Variants in PEPD observed in about 807,000 individuals in gnomAD.
PEPD encodes the protein xaa-Pro dipeptidase.
In PEPD, 53 loss-of-function variants were observed where a neutral mutation model predicts 60.7. The observed-to-expected ratio is 0.87, with a 90% CI of 0.70 to 1.10. The LOEUF (loss-of-function observed/expected upper bound fraction) is 1.10, where lower values mean the gene tolerates loss of function less well. Ranked by LOEUF, PEPD falls within the 50% of genes least tolerant of loss-of-function variation. The pLI is 0.00. For missense variants in PEPD, 711 were observed against 711.9 expected, an observed-to-expected ratio of 1.00 and a Z score of 0.01; for synonymous variants, 267 against 284.1, an observed-to-expected ratio of 0.94 and a Z score of 0.60.
chr19:33,447,835 T>C (rs1292644135), intron 9 of PEPD, among the ~76,000 whole-genome samples: 1 of 152,140 alleles, frequency 6.6e-6, no homozygotes, highest in Non-Finnish European at 1.5e-5. Context: ...CCATCCTCCA[T>C]GCCACAGACA....
chr19:33,468,106 G>A (rs764424937), intron 7 of PEPD, among the ~76,000 whole-genome samples: 27 of 152,156 alleles, frequency 1.8e-4, no homozygotes, highest in South Asian at 4.2e-4. Context: ...CTGGCCACCC[G>A]GTGAGGGAGG....
chr19:33,388,097 GTGAGGGGCCTGA>G lies in PEPD; in HGVS notation c.1153-28_1153-17del. On this transcript the variant is annotated splice_polypyrimidine_tract_variant and intron_variant, in intron 13 of 14. Transcript: ENST00000244137. ...GCTCCACGCCCTGTGGGGAACAGAGGTGAGGGGCCTGATGAGCAGCTCCAGGGCTCACCGTGG... is the reference window on the plus strand; with the variant it reads ...GCTCCACGCCCTGTGGGGAACAGAGGTGAGCAGCTCCAGGGCTCACCGTGG... 6.5e-7 allele frequency: 1 copy of G among 1,543,800 alleles called. No individual in the cohort carries two copies. Among genetic ancestry groups the G allele is most frequent in the Non-Finnish European group, 8.7e-7 (1 of 1,146,154 alleles).
At chr19:33,466,037 G>C (rs745863427) in intron 7 of PEPD, among the ~76,000 whole-genome samples, 9 of 152,174 alleles carry the variant, frequency 5.9e-5, no homozygotes, top group Non-Finnish European at 1.2e-4. Context: ...CAATCCAAAA[G>C]TATAATTAGA....
intron 2 of PEPD, chr19:33,511,581 C>T: frequency 3.4e-6 from 1 of 297,958 alleles, no homozygotes; most frequent in South Asian, 3.3e-5. Context: ...TTCTTACTTC[C>T]CTCTCCCACC....
chr19:33,477,415 C>T (rs1395856349), intron 7 of PEPD: 1 of 163,176 alleles, frequency 6.1e-6, no homozygotes, highest in African/African-American at 2.4e-5. Context: ...CTTCTACATT[C>T]TCAGTACGTG....
intron 1 of PEPD, among the ~76,000 whole-genome samples, chr19:33,517,288 G>T (rs1050331692): frequency 6.6e-6 from 1 of 151,852 alleles, no homozygotes; most frequent in Non-Finnish European, 1.5e-5. Context: ...AGCCAGGTGT[G>T]GTGGCTCATG....
intron 6 of PEPD, among the ~76,000 whole-genome samples, chr19:33,487,955 G>A (rs950750434): frequency 1.8e-4 from 27 of 152,016 alleles, no homozygotes; most frequent in African/African-American, 6.5e-4. Flanking sequence ...GAAGCCCAGG[G>A]CCCCACCTGC....
intron 9 of PEPD, among the ~76,000 whole-genome samples, chr19:33,455,901 A>G (rs573193984): frequency 6.6e-6 from 1 of 152,288 alleles, no homozygotes; most frequent in Admixed American, 6.5e-5. Flanking sequence ...GATTTCTAAT[A>G]TGATTCTCCA....
At chr19:33,443,983 C>A (rs1481399472) in intron 9 of PEPD, among the ~76,000 whole-genome samples, 1 of 150,442 alleles carries the variant, frequency 6.6e-6, no homozygotes, top group South Asian at 2.1e-4. Context: ...TGCGCGCGCA[C>A]ACACACACAC....
chr19:33,499,898 C>A (rs940335744), intron 4 of PEPD, among the ~76,000 whole-genome samples: 5 of 152,224 alleles, frequency 3.3e-5, no homozygotes, highest in Non-Finnish European at 5.9e-5. Flanking sequence ...TCTCTCACAG[C>A]ACTGTGTCTG....
At chr19:33,463,927 T>G in intron 8 of PEPD, 60 bp downstream of exon 8, 1 of 1,150,668 alleles carries the variant, frequency 8.7e-7, no homozygotes, top group Admixed American at 1.9e-5. Context: ...CCTCACGCAG[T>G]TCTCTCGCCA....
chr19:33,475,724 C>T lies in PEPD; in HGVS notation c.548+2322G>A, dbSNP rs137892971. Among the ~76,000 whole-genome samples the T allele has an allele frequency of 1.8e-4, 28 of 152,280 alleles. 1 individual carries two copies. The East Asian group carries it at 5.2e-3, about 28-fold the overall frequency. ...CCACAAGGGAATGTCCCATGTGAGG[C>T]AGTATAAGTGGACATGGCCCATTCT... On this transcript the variant is annotated intron_variant, in intron 7 of 14. Coordinates refer to ENST00000244137, the MANE Select transcript of PEPD (RefSeq NM_000285.4).
chr19:33,432,571 C>A (rs1969296283), intron 9 of PEPD, among the ~76,000 whole-genome samples: 1 of 152,228 alleles, frequency 6.6e-6, no homozygotes, highest in Non-Finnish European at 1.5e-5. Flanking sequence ...TGGAAAAAAA[C>A]ATGATAGCTC....
At chr19:33,496,582 G>A (rs748197625) in intron 4 of PEPD, among the ~76,000 whole-genome samples, 9 of 152,230 alleles carry the variant, frequency 5.9e-5, no homozygotes, top group South Asian at 2.1e-4. Context: ...CGCGCTGTGC[G>A]TTGCTGGCTC....
chr19:33,430,636 A>C (rs17833947), intron 9 of PEPD, among the ~76,000 whole-genome samples: 21,838 of 152,222 alleles, frequency 0.14, 1,748 homozygotes, highest in East Asian at 0.28. Flanking sequence ...TCCTACTGGC[A>C]TATGTATCTT....
chr19:33,505,873 CACAA>C (rs1333043755), intron 3 of PEPD, among the ~76,000 whole-genome samples: 5 of 126,372 alleles, frequency 4.0e-5, no homozygotes, highest in South Asian at 3.1e-4. Flanking sequence ...CACACCCCAT[CACAA>C]ACACCCTACA....
intron 5 of PEPD, among the ~76,000 whole-genome samples, chr19:33,492,948 C>A (rs1310572061): frequency 2.0e-5 from 3 of 152,174 alleles, no homozygotes; most frequent in African/African-American, 4.8e-5. Context: ...GCGATCATAC[C>A]TCACTGCAGC....
chr19:33,421,750 C>T (rs1237653055), intron 9 of PEPD, among the ~76,000 whole-genome samples: 1 of 152,180 alleles, frequency 6.6e-6, no homozygotes, highest in Non-Finnish European at 1.5e-5. Context: ...CCACCTCGGC[C>T]TCCCAAAGGT....
At chr19:33,479,921 G>A (rs1283102982) in intron 6 of PEPD, among the ~76,000 whole-genome samples, 1 of 152,094 alleles carries the variant, frequency 6.6e-6, no homozygotes, top group African/African-American at 2.4e-5. Context: ...ATATTCCTTT[G>A]GGTGTATACT....
Sources: gnomAD v4.1 joint callset for allele counts (sites outside exome capture counted in the v4.1 genomes callset) on GRCh38, gnomAD v4.1.1 for gene constraint, MANE v1.5 for transcripts, NCBI Gene and HGNC (gene_info 2026-07-23, HGNC 2026-07-21) for gene names.